Variants in ZFHX3 observed in about 807,000 individuals in gnomAD.
ZFHX3 encodes zinc finger homeobox 3, also known as zinc finger homeobox protein 3.
ZFHX3 carries 42 observed loss-of-function variants against 279.1 expected under a neutral mutation model. The observed-to-expected ratio is 0.15, with a 90% CI of 0.12 to 0.19. ZFHX3 has a LOEUF of 0.19. Among genes scored for constraint, ZFHX3 ranks in the 10% least tolerant of loss-of-function variants. ZFHX3 has a pLI of 1.00. For synonymous variants in ZFHX3, 2,293 were observed against 1,957.8 expected, an observed-to-expected ratio of 1.17 and a Z score of -4.52; for missense variants, 4,981 against 4,754.0, an observed-to-expected ratio of 1.05 and a Z score of -1.40.
At chr16:73,392,466 C>T (rs1446021416) in intron 3 of ZFHX3, among the ~76,000 whole-genome samples, 1 of 83,102 alleles carries the variant, frequency 1.2e-5, no homozygotes, top group South Asian at 3.7e-4. Context: ...GAAATAGCAA[C>T]AAAAGCATTT....
intron 2 of ZFHX3, among the ~76,000 whole-genome samples, chr16:73,604,646 T>C (rs994438928): frequency 6.6e-6 from 1 of 151,344 alleles, no homozygotes; most frequent in South Asian, 2.1e-4. Flanking sequence ...CTTGGGAGGC[T>C]GAGGCAGAGA....
chr16:73,514,892 C>A (rs1220286857), intron 2 of ZFHX3, among the ~76,000 whole-genome samples: 1 of 152,122 alleles, frequency 6.6e-6, no homozygotes, highest in Admixed American at 6.5e-5. Flanking sequence ...ATCCCAGCCT[C>A]CCTCCTCCCA....
intron 4 of ZFHX3, among the ~76,000 whole-genome samples, chr16:73,306,643 C>T (rs1440875432): frequency 6.6e-6 from 1 of 152,126 alleles, no homozygotes; most frequent in African/African-American, 2.4e-5. Context: ...TTTTTCATGC[C>T]TCCAAATGGA....
intron 3 of ZFHX3, among the ~76,000 whole-genome samples, chr16:72,935,236 G>A (rs1180760759): frequency 6.6e-6 from 1 of 152,154 alleles, no homozygotes; most frequent in African/African-American, 2.4e-5. Flanking sequence ...GAGAGAAGCA[G>A]GTCAGAGCTT....
intron 3 of ZFHX3, among the ~76,000 whole-genome samples, chr16:73,342,620 T>G (rs73589309): frequency 0.027 from 4,173 of 152,226 alleles, 203 homozygotes; most frequent in African/African-American, 0.094. Flanking sequence ...GGAAATAAAC[T>G]ATACAAGTAT....
At chr16:73,515,963 C>T (rs2019514361) in intron 2 of ZFHX3, among the ~76,000 whole-genome samples, 1 of 152,180 alleles carries the variant, frequency 6.6e-6, no homozygotes, top group African/African-American at 2.4e-5. Flanking sequence ...TGGTCATTGC[C>T]ATTCATGGAA....
At chr16:73,562,537 A>G (rs2020386117) in intron 2 of ZFHX3, among the ~76,000 whole-genome samples, 1 of 148,070 alleles carries the variant, frequency 6.8e-6, no homozygotes, top group African/African-American at 2.5e-5. Flanking sequence ...CGGAGCTTGC[A>G]GTGACCCGAG....
intron 2 of ZFHX3, among the ~76,000 whole-genome samples, chr16:73,569,201 T>G (rs1238719294): frequency 1.3e-5 from 2 of 152,162 alleles, no homozygotes; most frequent in Admixed American, 6.5e-5. Flanking sequence ...TAGAATTCCT[T>G]TCAGACAGAA....
At chr16:73,020,309 G>A (rs1020501259) in intron 1 of ZFHX3, among the ~76,000 whole-genome samples, 4 of 152,190 alleles carry the variant, frequency 2.6e-5, no homozygotes, top group Admixed American at 6.5e-5. Context: ...AGATCAAATA[G>A]CAAACTGCCC....
chr16:72,793,646 A>G lies in ZFHX3; in HGVS notation c.9036T>C (p.Phe3012=), dbSNP rs1348065473. 1 of 1,614,194 alleles carries G rather than the reference A, an allele frequency of 6.2e-7. No homozygotes were observed. Among genetic ancestry groups the G allele is most frequent in the African/African-American group, 1.3e-5 (1 of 75,056 alleles). The change falls in exon 9 of 10, where the codon TTT becomes TTC. Residue 3012 remains phenylalanine (F), a synonymous_variant. Coordinates refer to ENST00000268489, the MANE Select transcript of ZFHX3 (RefSeq NM_006885.4). The surrounding 1 kb of genome is among the most constrained non-coding windows in gnomAD (Gnocchi z 4.3). Reference sequence around the variant, plus strand: ...CCTCATAACTCGTTTGGTTTATACCAAAATGCTTGGCCATGCTTAACTTGG... The same window carrying G: ...CCTCATAACTCGTTTGGTTTATACCGAAATGCTTGGCCATGCTTAACTTGG... ...KKSKLSMAKH[F]GINQTSYEGP... is the part of the protein sequence containing the mutation.
At chr16:73,560,820 G>A (rs537856226) in intron 2 of ZFHX3, among the ~76,000 whole-genome samples, 2 of 152,300 alleles carry the variant, frequency 1.3e-5, no homozygotes, top group African/African-American at 2.4e-5. Flanking sequence ...CTACTTAATA[G>A]CACCTCAGGT....
At chr16:73,756,625 C>A (rs550756253) in intron 1 of ZFHX3, among the ~76,000 whole-genome samples, 1 of 152,256 alleles carries the variant, frequency 6.6e-6, no homozygotes, top group South Asian at 2.1e-4. Flanking sequence ...ATTAGGTTAG[C>A]TGAATCAGAA....
chr16:72,838,991 A>G (rs2037273810), intron 4 of ZFHX3, among the ~76,000 whole-genome samples: 1 of 152,206 alleles, frequency 6.6e-6, no homozygotes, highest in African/African-American at 2.4e-5. Flanking sequence ...ACGCTAAGTA[A>G]GAAAGCTAGC....
At chr16:72,804,813 G>A (rs975707303) in intron 7 of ZFHX3, among the ~76,000 whole-genome samples, 18 of 152,060 alleles carry the variant, frequency 1.2e-4, no homozygotes, top group African/African-American at 3.9e-4. Flanking sequence ...ATGTGGAAGG[G>A]CCAATATAAC....
intron 5 of ZFHX3, among the ~76,000 whole-genome samples, chr16:73,244,295 G>A (rs534345861): frequency 6.6e-6 from 1 of 152,128 alleles, no homozygotes; most frequent in Admixed American, 6.5e-5. Context: ...GTAATCAAAG[G>A]GGTGGGCGGA....
chr16:73,477,405 G>A (rs567418963), intron 2 of ZFHX3, among the ~76,000 whole-genome samples: 1 of 152,204 alleles, frequency 6.6e-6, no homozygotes, highest in African/African-American at 2.4e-5. Flanking sequence ...CTGCCAAAAG[G>A]GATTACTTCA....
chr16:73,423,861 CAA>C (rs34917527), intron 3 of ZFHX3, among the ~76,000 whole-genome samples: 90,264 of 136,602 alleles, frequency 0.66, 29,912 homozygotes, highest in Non-Finnish European at 0.74. Flanking sequence ...GACTCCATCT[CAA>C]AAAAAAAAAA....
intron 1 of ZFHX3, among the ~76,000 whole-genome samples, chr16:72,974,607 T>G (rs1236993457): frequency 7.0e-6 from 1 of 142,860 alleles, no homozygotes; most frequent in African/African-American, 2.8e-5. Flanking sequence ...ACACACAGCC[T>G]CTCACCAACA....
chr16:73,167,038 A>G (rs978029695), intron 5 of ZFHX3, among the ~76,000 whole-genome samples: 2 of 152,232 alleles, frequency 1.3e-5, no homozygotes, highest in African/African-American at 2.4e-5. Context: ...TCCCTTGCCC[A>G]TTGGAAGAGT....
Sources: allele counts gnomAD v4.1 joint callset (sites outside exome capture counted in the v4.1 genomes callset), GRCh38; gene constraint gnomAD v4.1.1; non-coding constraint Gnocchi (gnomAD v3.1); transcripts MANE v1.5; gene names NCBI Gene and HGNC (gene_info 2026-07-23, HGNC 2026-07-21).